The following CALN1 variants were observed in gnomAD, a reference collection of about 807,000 sequenced individuals.
CALN1 encodes the protein calcium-binding protein 8.
Under a neutral mutation model 30.6 loss-of-function variants are expected in CALN1, and 17 were observed. The ratio of observed to expected loss-of-function variants is 0.56; its 90% CI spans 0.38 to 0.83. The LOEUF (loss-of-function observed/expected upper bound fraction) is 0.83. Among genes scored for constraint, CALN1 ranks in the 40% least tolerant of loss-of-function variants. The pLI, the probability that CALN1 is intolerant of heterozygous loss-of-function variation, is 0.00. For synonymous variants in CALN1, 156 were observed against 131.4 expected (o/e 1.19, Z -1.28); for missense variants, 291 against 354.9 (o/e 0.82, Z 1.45).
intron 1 of CALN1, among the ~76,000 whole-genome samples, chr7:72,433,913 C>G (rs1808058281): frequency 6.6e-6 from 1 of 151,670 alleles, no homozygotes; most frequent in Non-Finnish European, 1.5e-5. Flanking sequence ...TAATAATTAG[C>G]CAGGCAGGGT....
intron 5 of CALN1, among the ~76,000 whole-genome samples, chr7:71,872,263 C>G (rs1335511755): frequency 1.3e-5 from 2 of 152,162 alleles, no homozygotes; most frequent in African/African-American, 4.8e-5. Context: ...TTTCCTGCAC[C>G]TGACACATAG....
At chr7:72,100,759 GC>G (rs1012262242) in intron 4 of CALN1, among the ~76,000 whole-genome samples, 3 of 142,236 alleles carry the variant, frequency 2.1e-5, no homozygotes, top group Non-Finnish European at 4.5e-5. Context: ...GGCGGAGCTT[GC>G]AGTGAGCCAA....
chr7:71,981,401 G>A (rs1179509367), intron 5 of CALN1, among the ~76,000 whole-genome samples: 1 of 152,114 alleles, frequency 6.6e-6, no homozygotes, highest in Non-Finnish European at 1.5e-5. Flanking sequence ...GGCTGGGGGT[G>A]GTGGTTCATG....
chr7:72,170,165 TAG>T (rs1301138941), intron 3 of CALN1, among the ~76,000 whole-genome samples: 1 of 152,238 alleles, frequency 6.6e-6, no homozygotes, highest in African/African-American at 2.4e-5. Flanking sequence ...TTACATTTTG[TAG>T]AGACAGGATC....
At chr7:72,209,940 T>A (rs1222335952) in intron 3 of CALN1, among the ~76,000 whole-genome samples, 1 of 152,168 alleles carries the variant, frequency 6.6e-6, no homozygotes, top group South Asian at 2.1e-4. Context: ...ACCTATGGGA[T>A]ACTTCAATCA....
chr7:71,924,775 C>G (rs372211532), intron 5 of CALN1, among the ~76,000 whole-genome samples: 3 of 152,074 alleles, frequency 2.0e-5, no homozygotes, highest in East Asian at 3.9e-4. Flanking sequence ...TGATTTTTTT[C>G]TCTCCAATCT....
At chr7:72,317,120 A>AAAAG (rs1389001770) in intron 2 of CALN1, among the ~76,000 whole-genome samples, 13 of 84,246 alleles carry the variant, frequency 1.5e-4, no homozygotes, top group African/African-American at 5.7e-4. Context: ...GGGAGGGAGA[A>AAAAG]AAAGAAAGAA....
intron 3 of CALN1, among the ~76,000 whole-genome samples, chr7:72,141,491 G>A (rs529119900): frequency 4.6e-5 from 7 of 152,008 alleles, no homozygotes; most frequent in South Asian, 4.2e-4. Context: ...CCGACCCTTC[G>A]GCTAGGCCTA....
At chr7:72,328,203 T>A (rs1274267387) in intron 2 of CALN1, among the ~76,000 whole-genome samples, 1 of 152,166 alleles carries the variant, frequency 6.6e-6, no homozygotes, top group African/African-American at 2.4e-5. Flanking sequence ...AAACATGTAA[T>A]ACAGTTTGGC....
chr7:71,788,958 G>A (rs374044938), intron 6 of CALN1, among the ~76,000 whole-genome samples: 5 of 151,848 alleles, frequency 3.3e-5, no homozygotes, highest in East Asian at 3.9e-4. Context: ...GCGCCTGGCC[G>A]ACTAATTTTT....
At chr7:71,924,629 TTC>T (rs1416439767) in intron 5 of CALN1, among the ~76,000 whole-genome samples, 1 of 152,096 alleles carries the variant, frequency 6.6e-6, no homozygotes, top group African/African-American at 2.4e-5. Flanking sequence ...TAATCTGTTT[TTC>T]TCTGTATTTT....
chr7:72,501,968 A>T, the CALN1 span, among the ~76,000 whole-genome samples: 1,729 of 97,504 alleles, frequency 0.018, 73 homozygotes, highest in Non-Finnish European at 0.025. Flanking sequence ...TATATATATA[A>T]ATATATATAC....
At chr7:72,118,170 G>C (rs1808128343) in intron 3 of CALN1, among the ~76,000 whole-genome samples, 1 of 152,030 alleles carries the variant, frequency 6.6e-6, no homozygotes, top group Non-Finnish European at 1.5e-5. Flanking sequence ...ATTAAAACAT[G>C]AATCTGACTC....
intron 5 of CALN1, among the ~76,000 whole-genome samples, chr7:71,901,275 T>C (rs73362196): frequency 0.11 from 16,969 of 152,054 alleles, 1,583 homozygotes; most frequent in East Asian, 0.42. Flanking sequence ...CATGAACAAA[T>C]AGAAAAATAT....
At chr7:72,381,211 G>A (rs1252723898) in intron 2 of CALN1, among the ~76,000 whole-genome samples, 6 of 152,142 alleles carry the variant, frequency 3.9e-5, no homozygotes, top group Non-Finnish European at 7.4e-5. Context: ...AGAATTATAG[G>A]TGTTCCTTGC....
intron 6 of CALN1, among the ~76,000 whole-genome samples, chr7:71,792,553 T>C (rs1305173803): frequency 6.6e-6 from 1 of 152,024 alleles, no homozygotes; most frequent in Non-Finnish European, 1.5e-5. Flanking sequence ...GAAGACAATA[T>C]CCTTGGGGTA....
intron 2 of CALN1, among the ~76,000 whole-genome samples, chr7:72,287,154 ATTT>A (rs1462325988): frequency 1.3e-5 from 2 of 152,084 alleles, no homozygotes; most frequent in Non-Finnish European, 2.9e-5. Flanking sequence ...TTCTTTGCTT[ATTT>A]TTTAAAGAAA....
chr7:71,942,068 G>GCA (rs1231004286), intron 5 of CALN1, among the ~76,000 whole-genome samples: 2 of 152,052 alleles, frequency 1.3e-5, no homozygotes, highest in African/African-American at 4.8e-5. Flanking sequence ...GCGTGGTGGT[G>GCA]CACACCTGTA....
At chr7:72,298,927 C>A (rs1799053374) in intron 2 of CALN1, among the ~76,000 whole-genome samples, 1 of 152,102 alleles carries the variant, frequency 6.6e-6, no homozygotes, top group Non-Finnish European at 1.5e-5. Context: ...TGTGAGGCCT[C>A]CCCAGCCATG....
Sources: gnomAD v4.1 joint callset for allele counts (sites outside exome capture counted in the v4.1 genomes callset) on GRCh38, gnomAD v4.1.1 for gene constraint, MANE v1.5 for transcripts, NCBI Gene and HGNC (gene_info 2026-07-23, HGNC 2026-07-21) for gene names.